The following SUGCT variants were observed in gnomAD, a reference collection of about 807,000 sequenced individuals.
SUGCT encodes the protein succinyl-CoA:glutarate-CoA transferase.
SUGCT carries 41 observed loss-of-function variants against 55.0 expected under a neutral mutation model. The ratio of observed to expected loss-of-function variants is 0.74; its 90% CI spans 0.58 to 0.97. The LOEUF is 0.97. Ranked by LOEUF, SUGCT falls within the 50% of genes least tolerant of loss-of-function variation. The pLI, the probability that SUGCT is intolerant of heterozygous loss-of-function variation, is 0.00. For missense variants in SUGCT, 568 were observed against 547.8 expected, an observed-to-expected ratio of 1.04 and a Z score of -0.37; for synonymous variants, 187 against 200.4, an observed-to-expected ratio of 0.93 and a Z score of 0.56.
At chr7:40,470,065 A>G (rs1790324384) in intron 11 of SUGCT, among the ~76,000 whole-genome samples, 1 of 152,146 alleles carries the variant, frequency 6.6e-6, no homozygotes, top group Non-Finnish European at 1.5e-5. Flanking sequence ...AAGACTCCAC[A>G]AGTCAATGCT....
chr7:40,188,390 T>G, intron 3 of SUGCT, 105 bp from the exon 4 acceptor site: 2 of 763,378 alleles, frequency 2.6e-6, no homozygotes, highest in Non-Finnish European at 2.1e-6. Context: ...GCAGAGATCG[T>G]TCCTCTGCAC....
intron 1 of SUGCT, among the ~76,000 whole-genome samples, chr7:40,177,874 T>C (rs965299809): frequency 4.6e-5 from 7 of 152,164 alleles, no homozygotes; most frequent in African/African-American, 1.7e-4. Flanking sequence ...CTCAGCCTCC[T>C]GAGTAGCTGG....
chr7:40,502,129 TTC>T (rs1449854804), intron 12 of SUGCT, among the ~76,000 whole-genome samples: 1 of 152,104 alleles, frequency 6.6e-6, no homozygotes, highest in Non-Finnish European at 1.5e-5. Context: ...ACATTATTCT[TTC>T]TCTGTTTCTC....
chr7:40,499,211 A>G (rs10249126), intron 12 of SUGCT: 1 of 424,650 alleles, frequency 2.4e-6, no homozygotes, highest in Non-Finnish European at 4.8e-6. Flanking sequence ...AACATGGCGT[A>G]GGAATGGAGA....
intron 1 of SUGCT, among the ~76,000 whole-genome samples, chr7:40,179,072 G>C (rs1401067030): frequency 2.0e-5 from 3 of 152,006 alleles, no homozygotes; most frequent in African/African-American, 7.2e-5. Context: ...GAAAGAAGTT[G>C]GATTTCATTC....
At chr7:40,391,179 C>T (rs968391085) in intron 9 of SUGCT, among the ~76,000 whole-genome samples, 15 of 152,264 alleles carry the variant, frequency 9.9e-5, no homozygotes, top group Non-Finnish European at 1.9e-4. Context: ...ACCATAAAAA[C>T]CCTAGAAGAA....
chr7:40,255,809 A>G (rs1584479558), intron 7 of SUGCT, among the ~76,000 whole-genome samples: 2 of 152,002 alleles, frequency 1.3e-5, no homozygotes, highest in East Asian at 1.9e-4. Context: ...GAGAGATTGG[A>G]CCTTGGTCTT....
chr7:40,440,958 TAA>T (rs879299342), intron 9 of SUGCT, among the ~76,000 whole-genome samples: 1 of 144,648 alleles, frequency 6.9e-6, no homozygotes, highest in Non-Finnish European at 1.5e-5. Context: ...ATGCTGTCTT[TAA>T]AAAAAAAAAA....
chr7:40,208,372 A>G (rs1330175192), intron 6 of SUGCT, among the ~76,000 whole-genome samples: 1 of 152,230 alleles, frequency 6.6e-6, no homozygotes, highest in Non-Finnish European at 1.5e-5. Context: ...AATTTTAAAA[A>G]GTAGAGAAAA....
intron 9 of SUGCT, among the ~76,000 whole-genome samples, chr7:40,401,340 G>A (rs1053515695): frequency 6.6e-6 from 1 of 152,134 alleles, no homozygotes; most frequent in African/African-American, 2.4e-5. Context: ...CTATACACTA[G>A]GTCCAATAGG....
intron 13 of SUGCT, among the ~76,000 whole-genome samples, chr7:40,834,601 A>G (rs1212009092): frequency 6.6e-6 from 1 of 152,210 alleles, no homozygotes. Context: ...AAGGAAAAAG[A>G]TAAACCTCCT....
At chr7:40,173,551 C>G (rs894900191) in intron 1 of SUGCT, among the ~76,000 whole-genome samples, 2 of 152,226 alleles carry the variant, frequency 1.3e-5, no homozygotes, top group Non-Finnish European at 2.9e-5. Context: ...CCCATTGTCC[C>G]TTACCCTGTG....
intron 11 of SUGCT, among the ~76,000 whole-genome samples, chr7:40,482,548 G>C (rs1791111522): frequency 6.6e-6 from 1 of 151,970 alleles, no homozygotes; most frequent in Non-Finnish European, 1.5e-5. Context: ...TCTTCACAAA[G>C]AGGTCCTAAT....
chr7:40,490,623 T>C (rs1791624663), intron 11 of SUGCT, among the ~76,000 whole-genome samples: 1 of 152,192 alleles, frequency 6.6e-6, no homozygotes. Flanking sequence ...TTGCCTGATG[T>C]TAGTTACTAG....
chr7:40,287,738 A>C (rs1244904732), intron 8 of SUGCT, among the ~76,000 whole-genome samples: 1 of 152,036 alleles, frequency 6.6e-6, no homozygotes, highest in Non-Finnish European at 1.5e-5. Flanking sequence ...AGCTCAAGTG[A>C]TCCTCCTGTC....
intron 9 of SUGCT, among the ~76,000 whole-genome samples, chr7:40,358,149 G>A (rs1393216525): frequency 6.6e-6 from 1 of 152,196 alleles, no homozygotes; most frequent in Non-Finnish European, 1.5e-5. Context: ...TGAATGATAT[G>A]CTGTCTATCC....
chr7:40,814,602 G>A (rs1185801606), intron 13 of SUGCT, among the ~76,000 whole-genome samples: 1 of 151,148 alleles, frequency 6.6e-6, no homozygotes, highest in Non-Finnish European at 1.5e-5. Context: ...TTCCTTGATT[G>A]CTTTAGAAGT....
At chr7:40,369,381 C>T (rs1447426160) in intron 9 of SUGCT, among the ~76,000 whole-genome samples, 1 of 152,124 alleles carries the variant, frequency 6.6e-6, no homozygotes, top group Non-Finnish European at 1.5e-5. Context: ...AAGAAACTGA[C>T]TCCTAGTTAT....
rs558427554 is a variant in SUGCT, at chr7:40,771,738, A to G, written c.1153+22241A>G. The stretch of plus-strand genomic sequence containing the variant: ...AGACTTGAAAGGAAATATAATTTTA[A>G]AAGACATTCTGGCTCTTAAAAACAT... On this transcript the variant is annotated intron_variant, in intron 13 of 13. Coordinates refer to ENST00000335693, the MANE Select transcript of SUGCT (RefSeq NM_001193313.2). 2.6e-5 allele frequency among the ~76,000 whole-genome samples: 4 copies of G among 152,320 alleles called. No homozygotes were observed. In the South Asian group the frequency reaches 8.3e-4, roughly 32 times the overall value.
Sources: gnomAD v4.1 joint callset for allele counts (sites outside exome capture counted in the v4.1 genomes callset) on GRCh38, gnomAD v4.1.1 for gene constraint, MANE v1.5 for transcripts, NCBI Gene and HGNC (gene_info 2026-07-23, HGNC 2026-07-21) for gene names.